TBX15: variants seen among roughly 807,000 people sequenced by gnomAD.
The protein encoded by TBX15 is T-box transcription factor TBX15.
A neutral mutation model predicts 53.9 loss-of-function variants in TBX15; 18 were observed. The ratio of observed to expected loss-of-function variants is 0.33; its 90% CI spans 0.23 to 0.49. TBX15 has a LOEUF of 0.49. TBX15 is among the 20% of genes least tolerant of loss of function. The probability of loss-of-function intolerance (pLI) is 0.98; values close to 1 mark genes in which losing one functional copy is unlikely to be tolerated. For missense variants in TBX15, 692 were observed against 749.5 expected, an observed-to-expected ratio of 0.92 and a Z score of 0.90; for synonymous variants, 295 against 278.0, an observed-to-expected ratio of 1.06 and a Z score of -0.61.
At chr1:118,955,645 G>C (rs1656664699) in intron 1 of TBX15, among the ~76,000 whole-genome samples, 1 of 152,180 alleles carries the variant, frequency 6.6e-6, no homozygotes, top group Non-Finnish European at 1.5e-5. Flanking sequence ...TTTACAAAGA[G>C]TAAGAACTCC....
chr1:118,935,125 T>A (rs1323447595), intron 1 of TBX15, among the ~76,000 whole-genome samples: 1 of 152,194 alleles, frequency 6.6e-6, no homozygotes, highest in Non-Finnish European at 1.5e-5. Context: ...AATAGTAATC[T>A]CAGAGTCAAG....
At chr1:118,907,580 T>G (rs1654881560) in intron 6 of TBX15, among the ~76,000 whole-genome samples, 3 of 152,236 alleles carry the variant, frequency 2.0e-5, no homozygotes. Flanking sequence ...CTCTTTCATG[T>G]GCAGGGTCTT....
At chr1:118,980,648 C>T (rs1371926815) in intron 1 of TBX15, among the ~76,000 whole-genome samples, 1 of 152,002 alleles carries the variant, frequency 6.6e-6, no homozygotes, top group East Asian at 1.9e-4. Context: ...TTAGTTATTC[C>T]GTTTACTTTC....
intron 7 of TBX15, among the ~76,000 whole-genome samples, chr1:118,896,704 C>G (rs191295432): frequency 6.6e-6 from 1 of 152,320 alleles, no homozygotes; most frequent in Admixed American, 6.5e-5. Context: ...TCATTCCTCT[C>G]TATTCCTTCT....
intron 1 of TBX15, among the ~76,000 whole-genome samples, chr1:118,951,754 G>T (rs1291097749): frequency 6.6e-6 from 1 of 152,118 alleles, no homozygotes; most frequent in African/African-American, 2.4e-5. Flanking sequence ...CACTCAAAAG[G>T]TCACCAACTT....
intron 1 of TBX15, among the ~76,000 whole-genome samples, chr1:118,970,243 C>A (rs555901293): frequency 1.3e-5 from 2 of 152,314 alleles, no homozygotes; most frequent in South Asian, 4.1e-4. Flanking sequence ...TGGACTAGTA[C>A]AGCCTCCTTG....
Position 118,883,901 on chromosome 1 carries a change from T to G in TBX15, c.*831A>C, listed in dbSNP as rs1042446405. 1 of 152,720 alleles carries G rather than the reference T, an allele frequency of 6.5e-6. No individual in the cohort carries two copies. The highest frequency in any genetic ancestry group is 2.4e-5 in the African/African-American group (1 of 41,454). 9.5% of individuals were successfully genotyped at this position (152,720 alleles called of 1,614,324 possible). On this transcript the variant is annotated 3_prime_UTR_variant, in exon 8 of 8. Transcript: ENST00000369429. ...CTTGGTGAATTAAAATTCTCATCAT[T>G]GCTCACACTTTCTCTGTCAGTCTTG...
intron 6 of TBX15, among the ~76,000 whole-genome samples, chr1:118,903,022 A>C (rs1361571922): frequency 6.6e-6 from 1 of 152,072 alleles, no homozygotes; most frequent in African/African-American, 2.4e-5. Context: ...CAGAGACCTG[A>C]TGTCATCTCT....
At chr1:118,972,337 C>G (rs1657258636) in intron 1 of TBX15, among the ~76,000 whole-genome samples, 1 of 152,154 alleles carries the variant, frequency 6.6e-6, no homozygotes, top group Non-Finnish European at 1.5e-5. Context: ...ATCAAATTGC[C>G]CTTTTCCTTC....
intron 5 of TBX15, among the ~76,000 whole-genome samples, chr1:118,916,294 G>C (rs897556307): frequency 2.6e-5 from 4 of 152,300 alleles, no homozygotes; most frequent in South Asian, 2.1e-4. Flanking sequence ...CATGTTGAAG[G>C]GCTCTGGGGT....
chr1:118,986,950 G>T (rs149866565), intron 1 of TBX15, among the ~76,000 whole-genome samples: 1 of 152,274 alleles, frequency 6.6e-6, no homozygotes. Context: ...ATATACATGG[G>T]TTACTGTAGG....
At position 118,987,831 on chromosome 1, in the gene TBX15, G is replaced by C; in HGVS notation, c.-36C>G. 1 of 1,544,324 alleles carries C rather than the reference G, an allele frequency of 6.5e-7. No individual in the cohort carries two copies. The highest frequency in any genetic ancestry group is 8.7e-7 in the Non-Finnish European group (1 of 1,144,104). Reference sequence around the variant, plus strand: ...CACACCCCTGCCTCCGCTTGCCCCCGCTACCGAGGGAGCAGCCGGCGCCCT... The same window carrying C: ...CACACCCCTGCCTCCGCTTGCCCCCCCTACCGAGGGAGCAGCCGGCGCCCT... On this transcript the variant is annotated 5_prime_UTR_variant, in exon 1 of 8. Transcript: ENST00000369429.
Position 118,923,519 on chromosome 1 carries a change from G to T in TBX15, c.778C>A (p.Pro260Thr), listed in dbSNP as rs374500071. 157 of 1,614,016 alleles carry T rather than the reference G, an allele frequency of 9.7e-5. 2 individuals carry two copies. In the South Asian group the frequency reaches 1.5e-3, roughly 16 times the overall value. Residue 260 changes from proline to threonine, a missense_variant, in exon 5 of 8, where the codon CCT becomes ACT. This residue lies in a region of TBX15 where 307 missense variants were observed against 347.5 expected (regional missense o/e 0.88). Coordinates refer to ENST00000369429, the MANE Select transcript of TBX15 (RefSeq NM_001330677.2). ...TTCACCCCATCCCCAACAGGAACAG[G>T]CTTAGTGGGTGAAAGGTCACTGCTG... ...DFSSDLSPTK[P>T]VPVGDGVKTF...
intron 1 of TBX15, among the ~76,000 whole-genome samples, chr1:118,944,686 C>T (rs1442880588): frequency 6.6e-6 from 1 of 152,206 alleles, no homozygotes; most frequent in Non-Finnish European, 1.5e-5. Context: ...CTGCCTCTCC[C>T]TGTCCCTGCC....
intron 6 of TBX15, among the ~76,000 whole-genome samples, chr1:118,906,123 T>A (rs1218334108): frequency 6.6e-6 from 1 of 152,224 alleles, no homozygotes; most frequent in Non-Finnish European, 1.5e-5. Flanking sequence ...GAAATAATTG[T>A]TACTATTGCT....
At chr1:118,906,089 C>T (rs563709658) in intron 6 of TBX15, among the ~76,000 whole-genome samples, 3 of 152,244 alleles carry the variant, frequency 2.0e-5, no homozygotes, top group African/African-American at 7.2e-5. Context: ...TAAAAATGGA[C>T]AACTTGGACC....
At chr1:118,979,495 T>C (rs1166478992) in intron 1 of TBX15, among the ~76,000 whole-genome samples, 2 of 152,316 alleles carry the variant, frequency 1.3e-5, no homozygotes, top group Non-Finnish European at 2.9e-5. Context: ...TTGCTAATGT[T>C]TGAAGTCAGT....
chr1:118,973,131 T>C (rs993600261), intron 1 of TBX15, among the ~76,000 whole-genome samples: 7 of 152,210 alleles, frequency 4.6e-5, no homozygotes, highest in Non-Finnish European at 7.3e-5. Context: ...CACTTAATTC[T>C]CACAACAACT....
chr1:118,945,368 T>C (rs1277278345), intron 1 of TBX15, among the ~76,000 whole-genome samples: 5 of 152,214 alleles, frequency 3.3e-5, no homozygotes, highest in African/African-American at 9.6e-5. Context: ...TTTATTTACA[T>C]ATTCACATTA....
Sources: gnomAD v4.1 joint callset for allele counts (sites outside exome capture counted in the v4.1 genomes callset) on GRCh38, gnomAD v4.1.1 for gene constraint, gnomAD v4.1.1 regional missense constraint, MANE v1.5 for transcripts, NCBI Gene and HGNC (gene_info 2026-07-23, HGNC 2026-07-21) for gene names.